PTPA: variants seen among roughly 807,000 people sequenced by gnomAD.
The protein encoded by PTPA is serine/threonine-protein phosphatase 2A activator.
In PTPA, 13 loss-of-function variants were observed where a neutral mutation model predicts 43.6. The ratio of observed to expected loss-of-function variants is 0.30; its 90% CI spans 0.19 to 0.47. The LOEUF (loss-of-function observed/expected upper bound fraction) is 0.47. PTPA is among the 20% of genes least tolerant of loss of function. PTPA has a pLI of 0.99. For synonymous variants in PTPA, 172 were observed against 158.2 expected (o/e 1.09, Z -0.66); for missense variants, 329 against 411.9 (o/e 0.80, Z 1.74).
At chr9:129,119,351 G>C (rs920996600) in intron 1 of PTPA, among the ~76,000 whole-genome samples, 1 of 151,524 alleles carries the variant, frequency 6.6e-6, no homozygotes, top group Non-Finnish European at 1.5e-5. Context: ...TATAATTTAC[G>C]TGTCCGTGCT....
At chr9:129,111,993 G>A in intron 1 of PTPA, 2 of 279,864 alleles carry the variant, frequency 7.1e-6, no homozygotes, top group Non-Finnish European at 1.3e-5. Flanking sequence ...CAGGGAGGGG[G>A]GCGAAAGTGA....
intron 4 of PTPA, among the ~76,000 whole-genome samples, chr9:129,130,027 A>G (rs1281642018): frequency 1.3e-5 from 2 of 152,134 alleles, no homozygotes; most frequent in African/African-American, 4.8e-5. Context: ...GCCATTGCAC[A>G]CCCACTTGGA....
intron 1 of PTPA, among the ~76,000 whole-genome samples, chr9:129,112,451 A>G (rs1391856989): frequency 1.3e-5 from 2 of 152,198 alleles, no homozygotes; most frequent in Non-Finnish European, 1.5e-5. Flanking sequence ...TTTTGAAAGC[A>G]TTTGATATTC....
chr9:129,131,443 C>T, intron 4 of PTPA, 79 bp from the exon 5 acceptor site: 1 of 1,283,246 alleles, frequency 7.8e-7, no homozygotes. Flanking sequence ...GGCCCCCAGT[C>T]AGGTGCTGCC....
intron 4 of PTPA, among the ~76,000 whole-genome samples, chr9:129,130,540 G>A (rs2131585676): frequency 6.6e-6 from 1 of 151,924 alleles, no homozygotes; most frequent in East Asian, 1.9e-4. Context: ...ACTACAGCAT[G>A]CGCCACCATG....
intron 8 of PTPA, among the ~76,000 whole-genome samples, chr9:129,140,445 CCTTT>C (rs998654791): frequency 2.6e-5 from 4 of 152,180 alleles, no homozygotes; most frequent in Non-Finnish European, 1.5e-5. Context: ...ACCTCTCTGG[CCTTT>C]CTGTGTGTAG....
chr9:129,130,049 A>G (rs1348987436), intron 4 of PTPA, among the ~76,000 whole-genome samples: 1 of 152,166 alleles, frequency 6.6e-6, no homozygotes, highest in East Asian at 1.9e-4. Context: ...TGCTAGCTGC[A>G]TACTCCATGG....
chr9:129,143,774 TCCGGC>T, intron 9 of PTPA: 3 of 227,462 alleles, frequency 1.3e-5, no homozygotes, highest in Non-Finnish European at 1.8e-5. Flanking sequence ...CTAGGTTCCT[TCCGGC>T]TGCAGCTGGC....
At chr9:129,115,980 C>T (rs1350704470) in intron 1 of PTPA, among the ~76,000 whole-genome samples, 1 of 152,142 alleles carries the variant, frequency 6.6e-6, no homozygotes, top group Non-Finnish European at 1.5e-5. Context: ...TCTGCCTCAG[C>T]TTCGCGAGTA....
intron 6 of PTPA, 115 bp downstream of exon 6, chr9:129,135,009 T>A: frequency 1.2e-6 from 1 of 822,910 alleles, no homozygotes; most frequent in Non-Finnish European, 1.9e-6. Flanking sequence ...GGTTCTCTTG[T>A]CCTGTCCTAA....
At chr9:129,115,838 C>T (rs759203133) in intron 1 of PTPA, among the ~76,000 whole-genome samples, 7 of 151,270 alleles carry the variant, frequency 4.6e-5, no homozygotes, top group Non-Finnish European at 7.4e-5. Context: ...TATGGGGCTT[C>T]ACCATGTTGG....
chr9:129,134,877 C>T lies in PTPA; in HGVS notation c.543C>T (p.Val181=). The change falls in exon 6 of 10, where the codon GTC becomes GTT. Residue 181 remains valine, a synonymous_variant. Transcript: ENST00000393370. ...GGGTGGATGACCAAATAGCTATTGT[C>T]TTCAAGGTGTTCAATCGGTGAGAGA... ...VLRVDDQIAI[V]FKVFNRYLEV... is the part of the protein sequence containing the mutation. 6.2e-7 allele frequency: 1 copy of T among 1,613,358 alleles called. No individual in the cohort carries two copies. Among genetic ancestry groups the T allele is most frequent in the East Asian group, 2.2e-5 (1 of 44,874 alleles).
chr9:129,137,583 T>C lies in PTPA; in HGVS notation c.686-9T>C, dbSNP rs759248164. On this transcript the variant is annotated splice_polypyrimidine_tract_variant and intron_variant, in intron 7 of 9. Transcript: ENST00000393370. ...GGTTCTGAATGCTGGGGCCCATTCCTTTTCCCAGACCACCCATACCTGGAG... is the reference window on the plus strand; with the variant it reads ...GGTTCTGAATGCTGGGGCCCATTCCCTTTCCCAGACCACCCATACCTGGAG... 1 of 1,604,060 alleles carries C rather than the reference T, an allele frequency of 6.2e-7. No individual in the cohort carries two copies. The highest frequency in any genetic ancestry group is 2.2e-5 in the East Asian group (1 of 44,750).
At chr9:129,118,299 G>A (rs975613020) in intron 1 of PTPA, among the ~76,000 whole-genome samples, 1 of 151,856 alleles carries the variant, frequency 6.6e-6, no homozygotes. Context: ...TGATCTGCCT[G>A]TCTTGGCCTC....
intron 5 of PTPA, among the ~76,000 whole-genome samples, chr9:129,134,571 T>C (rs2131596102): frequency 6.6e-6 from 1 of 152,276 alleles, no homozygotes; most frequent in East Asian, 1.9e-4. Context: ...CCTGAAGTGC[T>C]GGGATTACAG....
At chr9:129,116,627 C>T (rs1240529040) in intron 1 of PTPA, among the ~76,000 whole-genome samples, 6 of 152,108 alleles carry the variant, frequency 3.9e-5, no homozygotes, top group East Asian at 3.8e-4. Flanking sequence ...CCTTGTGATC[C>T]GCCCGCCTCG....
chr9:129,126,823 T>C (rs1426186082), intron 3 of PTPA, among the ~76,000 whole-genome samples: 2 of 152,040 alleles, frequency 1.3e-5, no homozygotes, highest in Non-Finnish European at 2.9e-5. Flanking sequence ...CAAAAAGCCC[T>C]CTCCTGAAGA....
intron 7 of PTPA, 36 bp downstream of exon 7, chr9:129,136,631 A>C: frequency 6.4e-7 from 1 of 1,572,314 alleles, no homozygotes. Context: ...CTCCACCCCC[A>C]ACCAAGGCTG....
chr9:129,118,668 C>T (rs1221985507), intron 1 of PTPA, among the ~76,000 whole-genome samples: 1 of 152,048 alleles, frequency 6.6e-6, no homozygotes, highest in Non-Finnish European at 1.5e-5. Flanking sequence ...AGCCACCGCG[C>T]CCCGCCTAAA....
Sources: gnomAD v4.1 joint callset for allele counts (sites outside exome capture counted in the v4.1 genomes callset) on GRCh38, gnomAD v4.1.1 for gene constraint, MANE v1.5 for transcripts, NCBI Gene and HGNC (gene_info 2026-07-23, HGNC 2026-07-21) for gene names.